PRSS23: variants seen among roughly 807,000 people sequenced by gnomAD.
PRSS23 encodes protease, serine 23.
PRSS23 carries 25 observed loss-of-function variants against 34.7 expected under a neutral mutation model. The observed-to-expected ratio is 0.72, with a 90% CI of 0.53 to 1.01. PRSS23 has a LOEUF of 1.01. Ranked by LOEUF, PRSS23 falls within the 50% of genes least tolerant of loss-of-function variation. The probability of loss-of-function intolerance (pLI) is 0.00; values close to 1 mark genes in which losing one functional copy is unlikely to be tolerated. For synonymous variants in PRSS23, 176 were observed against 186.6 expected (o/e 0.94, Z 0.46); for missense variants, 445 against 475.6 (o/e 0.94, Z 0.60).
intron 2 of PRSS23, among the ~76,000 whole-genome samples, chr11:86,855,927 T>C (rs1948567323): frequency 6.6e-6 from 1 of 152,254 alleles, no homozygotes; most frequent in Admixed American, 6.5e-5. Context: ...GAGAGGATTT[T>C]ATTCATTTTT....
chr11:86,820,098 C>T (rs1424867902), intron 1 of PRSS23, among the ~76,000 whole-genome samples: 4 of 152,128 alleles, frequency 2.6e-5, no homozygotes, highest in African/African-American at 9.7e-5. Flanking sequence ...GTAATTCAAA[C>T]ATAAACTTTG....
downstream of PRSS23, among the ~76,000 whole-genome samples, chr11:86,812,660 T>TG (rs1447479394): frequency 6.6e-6 from 1 of 151,840 alleles, no homozygotes; most frequent in Admixed American, 6.6e-5. Flanking sequence ...TGGTGGCGCA[T>TG]GCCTGTAATC....
chr11:86,882,519 C>G (rs1052238822), intron 2 of PRSS23, among the ~76,000 whole-genome samples: 5 of 151,994 alleles, frequency 3.3e-5, no homozygotes, highest in Admixed American at 1.3e-4. Context: ...CCATCCATGT[C>G]CCTACGAAGG....
Position 86,807,614 on chromosome 11 carries a change from T to A in PRSS23, c.-13-17T>A. On this transcript the variant is annotated splice_polypyrimidine_tract_variant and intron_variant, in intron 1 of 1. Coordinates refer to ENST00000280258, the MANE Select transcript of PRSS23 (RefSeq NM_007173.6). ...TCAGCCCTTGCCCTCCTGACCTGCT[T>A]GTCTTTGTTTCTACAGAACAGTGCT... The A allele has an allele frequency of 6.4e-7, 1 of 1,567,260 alleles. No individual in the cohort carries two copies. The highest frequency in any genetic ancestry group is 8.7e-7 in the Non-Finnish European group (1 of 1,155,346).
At chr11:86,820,208 A>G (rs1323909451) in intron 1 of PRSS23, among the ~76,000 whole-genome samples, 1 of 152,228 alleles carries the variant, frequency 6.6e-6, no homozygotes, top group Non-Finnish European at 1.5e-5. Flanking sequence ...AGGAAGAGTC[A>G]AAATTTTAAG....
At chr11:86,794,083 C>T (rs944460871) in intron 1 of PRSS23, among the ~76,000 whole-genome samples, 1 of 152,116 alleles carries the variant, frequency 6.6e-6, no homozygotes, top group African/African-American at 2.4e-5. Context: ...CCAGACCCCA[C>T]ACTGAACCAC....
At chr11:86,793,778 C>G (rs557376476) in intron 1 of PRSS23, among the ~76,000 whole-genome samples, 51 of 152,146 alleles carry the variant, frequency 3.4e-4, no homozygotes, top group African/African-American at 1.2e-3. Context: ...TTACAAAGAG[C>G]TAGGTTCTCT....
intron 2 of PRSS23, among the ~76,000 whole-genome samples, chr11:86,827,918 G>A (rs968442679): frequency 2.0e-5 from 3 of 152,192 alleles, no homozygotes; most frequent in Non-Finnish European, 4.4e-5. Context: ...TTCCAACTAT[G>A]TGACCAATTT....
intron 2 of PRSS23, among the ~76,000 whole-genome samples, chr11:86,843,509 T>C (rs1373704917): frequency 6.6e-6 from 1 of 152,154 alleles, no homozygotes; most frequent in Non-Finnish European, 1.5e-5. Flanking sequence ...AGAAAATTTT[T>C]GCAATCTATC....
At chr11:86,932,832 A>G (rs1336875518) in intron 2 of PRSS23, 2 of 152,170 alleles carry the variant, frequency 1.3e-5, no homozygotes, top group African/African-American at 4.8e-5. Context: ...GACATTTGCC[A>G]TATTTTTATT....
chr11:86,952,235 G>A lies in PRSS23; in HGVS notation c.*950G>A, dbSNP rs141978964. The A allele has an allele frequency of 2.5e-6, 4 of 1,614,046 alleles. No homozygotes were observed. The Admixed American group carries it at 5.0e-5, about 20-fold the overall frequency. ...GTGACACTCTTCCCCAGGCTGGATG[G>A]GGGTTTTGTGAGGTAAGGGCACCTC... On this transcript the variant is annotated 3_prime_UTR_variant, in exon 3 of 3. Coordinates refer to the PRSS23 transcript ENST00000533902.
Position 86,808,684 on chromosome 11 carries a change from C to T in PRSS23, c.1041C>T (p.Asp347=). 6.2e-7 allele frequency: 1 copy of T among 1,614,104 alleles called. No individual in the cohort carries two copies. The highest frequency in any genetic ancestry group is 8.5e-7 in the Non-Finnish European group (1 of 1,180,020). Residue 347 remains aspartate (D), a synonymous_variant, in exon 2 of 2, where the codon GAC becomes GAT. Transcript: ENST00000280258. ...TTTTTTCAGGGCACCAGTGGGTGGA[C>T]ATGAATGGTTCCCCACAGGATTTCA... ...IGIFSGHQWV[D]MNGSPQDFNV...
intron 2 of PRSS23, among the ~76,000 whole-genome samples, chr11:86,902,851 G>A (rs776262993): frequency 2.6e-5 from 4 of 152,086 alleles, no homozygotes; most frequent in South Asian, 4.2e-4. Flanking sequence ...GAATATAATC[G>A]TAGTTAAGAT....
At chr11:86,821,262 G>T in intron 1 of PRSS23, 1 of 521,260 alleles carries the variant, frequency 1.9e-6, no homozygotes, top group South Asian at 2.7e-5. Flanking sequence ...GTAATCCGAT[G>T]ACACAAAAAT....
chr11:86,808,265 G>A lies in PRSS23; in HGVS notation c.622G>A (p.Asp208Asn), dbSNP rs149020963. The change falls in exon 2 of 2, where the codon GAC becomes AAC. Residue 208 changes from aspartate (D) to asparagine (N), a missense_variant. By Grantham distance (23) the Asp-to-Asn change is conservative (BLOSUM62 1). Coordinates refer to ENST00000280258, the MANE Select transcript of PRSS23 (RefSeq NM_007173.6). ...TAAAGATGGTGGTCGAGGGGCCAAC[G>A]ACTCCACTTCAGCCATGCCCGAGCA... ...KFKDGGRGAN[D>N]STSAMPEQMK... 6.3e-5 allele frequency: 102 copies of A among 1,613,950 alleles called. No homozygotes were observed. Among genetic ancestry groups the A allele is most frequent in the Middle Eastern group, 1.6e-4 (1 of 6,082 alleles).
chr11:86,800,519 C>G (rs1948020028), upstream of PRSS23: 4 of 984,578 alleles, frequency 4.1e-6, no homozygotes, highest in Non-Finnish European at 2.4e-6. Flanking sequence ...CGCCAGCTGC[C>G]TGCGCTGCTC....
In PRSS23 at chr11:86,809,870, CA is replaced by C. The variant is rs1948157666; in HGVS notation, c.*1076del. ...ATCAAAAATTATTCTGCATAGTTTT[CA>C]GTGTGCTTTCTGGGAGCTATGTACT... is the stretch of plus-strand genomic sequence containing the variant. On this transcript the variant is annotated 3_prime_UTR_variant, in exon 2 of 2. Transcript: ENST00000280258. 1 of 167,028 alleles carries C rather than the reference CA, an allele frequency of 6.0e-6. No homozygotes were observed. Among genetic ancestry groups the C allele is most frequent in the Non-Finnish European group, 1.5e-5 (1 of 68,116 alleles). The allele number at this position is 167,028 out of a possible 1,614,324, so 10.3% of individuals were successfully genotyped here.
intron 2 of PRSS23, chr11:86,950,810 G>A: frequency 2.6e-6 from 1 of 390,220 alleles, no homozygotes; most frequent in Non-Finnish European, 4.8e-6. Flanking sequence ...CACCCTGCAG[G>A]GGAAAACAGT....
chr11:86,891,111 A>G (rs1274806596), intron 2 of PRSS23, among the ~76,000 whole-genome samples: 1 of 152,046 alleles, frequency 6.6e-6, no homozygotes, highest in Non-Finnish European at 1.5e-5. Flanking sequence ...CAGCTCCTCA[A>G]TTGCCAAGCC....
Sources: gnomAD v4.1 joint callset for allele counts (sites outside exome capture counted in the v4.1 genomes callset) on GRCh38, gnomAD v4.1.1 for gene constraint, MANE v1.5 for transcripts, NCBI Gene and HGNC (gene_info 2026-07-23, HGNC 2026-07-21) for gene names.